SCN10A: variants seen among roughly 807,000 people sequenced by gnomAD.
The protein encoded by SCN10A is sodium voltage-gated channel alpha subunit 10.
Under a neutral mutation model 170.7 loss-of-function variants are expected in SCN10A, and 162 were observed. The ratio of observed to expected loss-of-function variants is 0.95; its 90% CI spans 0.84 to 1.08. SCN10A has a LOEUF of 1.08. Among genes scored for constraint, SCN10A ranks in the 50% least tolerant of loss-of-function variants. The pLI is 0.00. For missense variants in SCN10A, 2,527 were observed against 2,436.9 expected (o/e 1.04, Z -0.78); for synonymous variants, 985 against 904.6 (o/e 1.09, Z -1.59).
chr3:38,701,025 T>C (rs1043649247), intron 27 of SCN10A, among the ~76,000 whole-genome samples: 4 of 152,218 alleles, frequency 2.6e-5, no homozygotes, highest in Admixed American at 1.3e-4. Flanking sequence ...TCTGTGACCC[T>C]GCATAATATT....
chr3:38,803,002 T>C (rs1363520724), intron 1 of SCN10A, among the ~76,000 whole-genome samples: 3 of 152,006 alleles, frequency 2.0e-5, no homozygotes, highest in East Asian at 3.9e-4. Flanking sequence ...TATGAACAGA[T>C]ACTTCTCAAA....
Position 38,752,263 on chromosome 3 carries a change from G to T in SCN10A, c.1711C>A (p.Pro571Thr), listed in dbSNP as rs1243498426. 8.2e-6 allele frequency: 13 copies of T among 1,579,120 alleles called. No homozygotes were observed. The highest frequency in any genetic ancestry group is 1.2e-5 in the South Asian group (1 of 86,284). The change falls in exon 12 of 28, where the codon CCG (proline) becomes ACG (threonine). Residue 571 changes from proline to threonine, a missense_variant. Coordinates refer to ENST00000449082, the MANE Select transcript of SCN10A (RefSeq NM_006514.4). ...DSRHGEDEHQ[P>T]PPTSELAPGA... ...GGGGCAAGCTCACTAGTGGGCGGCG[G>T]TTGGTGTTCATCTTCTCCATGCCTG...
intron 11 of SCN10A, among the ~76,000 whole-genome samples, chr3:38,754,583 G>T (rs559998638): frequency 1.2e-4 from 19 of 152,310 alleles, no homozygotes; most frequent in Admixed American, 1.0e-3. Context: ...CATTTCCATG[G>T]AAGCTGTGAT....
intron 4 of SCN10A, among the ~76,000 whole-genome samples, chr3:38,776,773 A>T (rs886844656): frequency 1.2e-4 from 19 of 152,154 alleles, no homozygotes; most frequent in Admixed American, 9.8e-4. Context: ...AACATCCCAA[A>T]GGGACAGTTT....
chr3:38,702,539 A>T (rs1355081281), intron 26 of SCN10A, among the ~76,000 whole-genome samples: 1 of 152,220 alleles, frequency 6.6e-6, no homozygotes, highest in African/African-American at 2.4e-5. Context: ...CATTTTGTAT[A>T]TGCGTCTTCT....
At chr3:38,736,963 G>GTTTTTTTTTTGTTTT (rs2063568634) in intron 15 of SCN10A, among the ~76,000 whole-genome samples, 1 of 46,666 alleles carries the variant, frequency 2.1e-5, no homozygotes, top group Non-Finnish European at 3.6e-5. Flanking sequence ...AGAAATGTTC[G>GTTTTTTTTTTGTTTT]TTTTTTTTTT....
chr3:38,728,960 A>C (rs2063487717), intron 15 of SCN10A, 59 bp from the exon 16 acceptor site: 1 of 1,528,888 alleles, frequency 6.5e-7, no homozygotes, highest in African/African-American at 1.4e-5. Context: ...TTTCATCTAA[A>C]GTTTTGCCTG....
chr3:38,698,160 C>T lies in SCN10A; in HGVS notation c.5060G>A (p.Gly1687Asp), dbSNP rs971950651. The T allele has an allele frequency of 7.4e-6, 12 of 1,613,996 alleles. No homozygotes were observed. The highest frequency in any genetic ancestry group is 1.0e-5 in the Non-Finnish European group (12 of 1,180,022). The part of the protein sequence containing the change: ...YCDPNLPNSN[G>D]TRGDCGSPAV... Reference sequence around the variant, plus strand: ...TGGGCTCCCACAGTCCCCTCTGGTGCCATTGCTGTTGGGCAGATTGGGGTC... The same window carrying T: ...TGGGCTCCCACAGTCCCCTCTGGTGTCATTGCTGTTGGGCAGATTGGGGTC... The change falls in exon 28 of 28, where the codon GGC becomes GAC. Residue 1687 changes from glycine to aspartate, a missense_variant. Physicochemically the swap from Gly to Asp is moderately conservative, Grantham distance 94. Transcript: ENST00000449082.
At chr3:38,787,639 C>T (rs935889548) in intron 4 of SCN10A, among the ~76,000 whole-genome samples, 4 of 151,786 alleles carry the variant, frequency 2.6e-5, no homozygotes, top group Non-Finnish European at 1.5e-5. Flanking sequence ...TACTTTAAAA[C>T]AATGAATACC....
rs937352440 is a variant in SCN10A at position 38,726,553 on chromosome 3, G to A, written c.3087+53C>T. 6 of 1,418,992 alleles carry A rather than the reference G, an allele frequency of 4.2e-6. No homozygotes were observed. In the Admixed American group the frequency reaches 1.3e-4, roughly 30 times the overall value. 87.9% of individuals were successfully genotyped at this position (1,418,992 alleles called of 1,614,324 possible). On this transcript the variant is annotated intron_variant, in intron 17 of 27. Coordinates refer to ENST00000449082, the MANE Select transcript of SCN10A (RefSeq NM_006514.4). ...TTCCCTTTTGCCCTTTGTCACTCAA[G>A]CCCTGAAGCCCCTCCCCACTGCCTG... is the stretch of plus-strand genomic sequence containing the variant.
chr3:38,794,109 T>C, intron 1 of SCN10A, 67 bp from the exon 2 acceptor site: 1 of 1,109,564 alleles, frequency 9.0e-7, no homozygotes, highest in Non-Finnish European at 1.3e-6. Context: ...CTCTCATCTG[T>C]CCCATCTTGA....
At chr3:38,762,498 A>T in intron 6 of SCN10A, among the ~76,000 whole-genome samples, 1 of 152,164 alleles carries the variant, frequency 6.6e-6, no homozygotes, top group East Asian at 1.9e-4. Context: ...GGGGCAGCAC[A>T]GTAGAAGGCT....
chr3:38,797,288 T>TGTAGGAGG (rs2064346339), intron 1 of SCN10A, among the ~76,000 whole-genome samples: 1 of 152,166 alleles, frequency 6.6e-6, no homozygotes, highest in Non-Finnish European at 1.5e-5. Context: ...AATACCCATA[T>TGTAGGAGG]GTAGGAGGCT....
At chr3:38,815,571 A>G (rs1377709389) in intron 1 of SCN10A, among the ~76,000 whole-genome samples, 2 of 152,222 alleles carry the variant, frequency 1.3e-5, no homozygotes, top group Non-Finnish European at 2.9e-5. Flanking sequence ...GAAGCTGTGT[A>G]TCACCACTGA....
At chr3:38,764,092 G>C (rs565908359) in intron 5 of SCN10A, among the ~76,000 whole-genome samples, 1 of 152,210 alleles carries the variant, frequency 6.6e-6, no homozygotes, top group African/African-American at 2.4e-5. Context: ...CTGAGATGAA[G>C]AACCTTCTTC....
chr3:38,726,731 T>G lies in SCN10A; in HGVS notation c.2962A>C (p.Ile988Leu). The G allele has an allele frequency of 1.2e-6, 2 of 1,613,042 alleles. No individual in the cohort carries two copies. Among genetic ancestry groups the G allele is most frequent in the Admixed American group, 3.3e-5 (2 of 60,004 alleles). ...RGPRDEHSDF[I>L]ANPTVWVSVP... is the part of the protein sequence containing the mutation. ...GAGACCCACACAGTCGGATTAGCGA[T>G]GAAGTCACTGTGCTCATCCCTGGGG... Residue 988 changes from isoleucine (I) to leucine (L), a missense_variant, in exon 17 of 28, where the codon ATC becomes CTC. Transcript: ENST00000449082.
Position 38,755,844 on chromosome 3 carries a change from C to G in SCN10A, c.1405G>C (p.Gly469Arg), listed in dbSNP as rs1168358589. The G allele has an allele frequency of 2.5e-6, 4 of 1,614,116 alleles. No homozygotes were observed. Among genetic ancestry groups the G allele is most frequent in the Non-Finnish European group, 3.4e-6 (4 of 1,180,024 alleles). Residue 469 changes from glycine (G) to arginine (R), a missense_variant, in exon 11 of 28, where the codon GGC becomes CGC. Gly to Arg is a moderately radical substitution (Grantham distance 125). Transcript: ENST00000449082. Reference sequence around the variant, plus strand: ...GGTGATTTGTTGTCTTCTGTGGAGCCCTCTGACACTCTTGGCTTTATTCTA... The same window carrying G: ...GGTGATTTGTTGTCTTCTGTGGAGCGCTCTGACACTCTTGGCTTTATTCTA... ...RHRIKPRVSE[G>R]STEDNKSPRS...
In SCN10A at chr3:38,726,723, A is replaced by G; in HGVS notation, c.2970T>C (p.Asn990=). The G allele has an allele frequency of 6.2e-7, 1 of 1,613,000 alleles. No individual in the cohort carries two copies. The highest frequency in any genetic ancestry group is 8.5e-7 in the Non-Finnish European group (1 of 1,179,028). ...TGGGCACAGAGACCCACACAGTCGG[A>G]TTAGCGATGAAGTCACTGTGCTCAT... is the stretch of plus-strand genomic sequence containing the variant. ...PRDEHSDFIA[N]PTVWVSVPIA... is the part of the protein sequence containing the mutation. The change falls in exon 17 of 28, where the codon AAT becomes AAC. Residue 990 remains asparagine, a synonymous_variant. Transcript: ENST00000449082.
chr3:38,757,271 TCC>T, intron 8 of SCN10A, 112 bp from the exon 9 acceptor site: 1 of 1,041,520 alleles, frequency 9.6e-7, no homozygotes, highest in Non-Finnish European at 1.4e-6. Flanking sequence ...GACCTAGTCT[TCC>T]TCTTATTAGC....
Sources: gnomAD v4.1 joint callset for allele counts (sites outside exome capture counted in the v4.1 genomes callset) on GRCh38, gnomAD v4.1.1 for gene constraint, MANE v1.5 for transcripts, NCBI Gene and HGNC (gene_info 2026-07-23, HGNC 2026-07-21) for gene names.